Variants in KCNH1 observed in about 807,000 individuals in gnomAD.
KCNH1 encodes voltage-gated delayed rectifier potassium channel KCNH1.
Under a neutral mutation model 69.2 loss-of-function variants are expected in KCNH1, and 27 were observed. The ratio of observed to expected loss-of-function variants is 0.39; its 90% CI spans 0.29 to 0.54. KCNH1 has a LOEUF of 0.54. Ranked by LOEUF, KCNH1 falls within the 20% of genes least tolerant of loss-of-function variation. The pLI, the probability that KCNH1 is intolerant of heterozygous loss-of-function variation, is 0.68. For missense variants in KCNH1, 798 were observed against 1,261.6 expected, an observed-to-expected ratio of 0.63 and a Z score of 5.57; for synonymous variants, 456 against 487.7, an observed-to-expected ratio of 0.93 and a Z score of 0.86.
intron 7 of KCNH1, among the ~76,000 whole-genome samples, chr1:210,884,607 T>C (rs1228282553): frequency 6.6e-6 from 1 of 152,298 alleles, no homozygotes; most frequent in African/African-American, 2.4e-5. Context: ...GTACTTTTGG[T>C]GAGAGAAGAG....
intron 6 of KCNH1, among the ~76,000 whole-genome samples, chr1:210,998,941 A>C (rs1328762308): frequency 6.6e-6 from 1 of 152,214 alleles, no homozygotes; most frequent in Non-Finnish European, 1.5e-5. Flanking sequence ...TGAAGGCAGA[A>C]ATAAAGATGT....
chr1:210,793,570 A>G lies in KCNH1; in HGVS notation c.1915+3938T>C, dbSNP rs115110611. 4.0e-3 allele frequency among the ~76,000 whole-genome samples: 616 copies of G among 152,382 alleles called. 4 individuals are homozygous for G. The highest frequency in any genetic ancestry group is 0.014 in the African/African-American group (578 of 41,594). On this transcript the variant is annotated intron_variant, in intron 9 of 10. Transcript: ENST00000271751. ...AAACTAAACACACTCAGTTATGAGT[A>G]CTGACCCTTTTCTTCGTTCTTGGCA... is the stretch of plus-strand genomic sequence containing the variant.
chr1:210,711,885 G>A (rs1682084150), intron 10 of KCNH1, among the ~76,000 whole-genome samples: 1 of 152,172 alleles, frequency 6.6e-6, no homozygotes, highest in Admixed American at 6.5e-5. Flanking sequence ...CTCAGAGGCT[G>A]GTTAGTTTCT....
chr1:210,986,460 C>T (rs1336189816), intron 6 of KCNH1, among the ~76,000 whole-genome samples: 1 of 152,112 alleles, frequency 6.6e-6, no homozygotes, highest in Admixed American at 6.6e-5. Context: ...CCTTCAGGAG[C>T]TCTTTTAGGG....
intron 9 of KCNH1, among the ~76,000 whole-genome samples, chr1:210,781,810 C>T (rs1453977257): frequency 6.6e-6 from 1 of 152,252 alleles, no homozygotes; most frequent in Non-Finnish European, 1.5e-5. Flanking sequence ...ACTTGATCAT[C>T]TATTCTTTCA....
At chr1:210,886,297 G>C (rs777811819) in intron 7 of KCNH1, among the ~76,000 whole-genome samples, 1 of 152,194 alleles carries the variant, frequency 6.6e-6, no homozygotes, top group Non-Finnish European at 1.5e-5. Flanking sequence ...ACCCGCAGCA[G>C]AGCAGCCTGA....
At position 210,683,206 on chromosome 1, in the gene KCNH1, G is replaced by T; in HGVS notation, c.*75C>A. ...CTACTTGAAAATTGTTGGTCATGTGGACATATGTGGTAGGGGTGGTGGTGA... is the reference window on the plus strand; with the variant it reads ...CTACTTGAAAATTGTTGGTCATGTGTACATATGTGGTAGGGGTGGTGGTGA... On this transcript the variant is annotated 3_prime_UTR_variant, in exon 11 of 11. Transcript: ENST00000271751. The surrounding 1 kb of genome is among the most constrained non-coding windows in gnomAD (Gnocchi z 5.7). 7.1e-7 allele frequency: 1 copy of T among 1,403,956 alleles called. No individual in the cohort carries two copies. The highest frequency in any genetic ancestry group is 1.3e-5 in the South Asian group (1 of 74,622). The allele number at this position is 1,403,956 out of a possible 1,614,324, so 87.0% of individuals were successfully genotyped here.
chr1:211,013,764 C>T (rs755845607), intron 6 of KCNH1, among the ~76,000 whole-genome samples: 4 of 152,156 alleles, frequency 2.6e-5, no homozygotes, highest in Admixed American at 6.5e-5. Flanking sequence ...AAGTTGAGGG[C>T]GATGAAGTTA....
intron 5 of KCNH1, among the ~76,000 whole-genome samples, chr1:211,079,380 C>T (rs1284223901): frequency 6.6e-6 from 1 of 152,166 alleles, no homozygotes; most frequent in Non-Finnish European, 1.5e-5. Context: ...CGAAATTCTA[C>T]CAGAGCTACA....
chr1:210,836,179 A>G (rs542544155), intron 7 of KCNH1, among the ~76,000 whole-genome samples: 1 of 152,078 alleles, frequency 6.6e-6, no homozygotes, highest in South Asian at 2.1e-4. Flanking sequence ...TAAGATAAAT[A>G]CATTTTGAAA....
intron 6 of KCNH1, among the ~76,000 whole-genome samples, chr1:210,963,951 G>T (rs1016872405): frequency 6.6e-6 from 1 of 152,082 alleles, no homozygotes; most frequent in African/African-American, 2.4e-5. Context: ...ACACCACAAA[G>T]ATAATCCTTG....
chr1:211,040,221 T>C (rs1216803867), intron 5 of KCNH1, among the ~76,000 whole-genome samples: 1 of 149,454 alleles, frequency 6.7e-6, no homozygotes, highest in African/African-American at 2.5e-5. Flanking sequence ...TTCGGGGGAC[T>C]GTTGGGAAGG....
At chr1:210,891,536 T>C (rs1204749014) in intron 7 of KCNH1, among the ~76,000 whole-genome samples, 2 of 145,294 alleles carry the variant, frequency 1.4e-5, no homozygotes, top group East Asian at 4.0e-4. Flanking sequence ...ACTTAAAGTA[T>C]AATTAAAAAA....
At chr1:210,999,806 C>T (rs1434455766) in intron 6 of KCNH1, among the ~76,000 whole-genome samples, 3 of 152,212 alleles carry the variant, frequency 2.0e-5, no homozygotes, top group African/African-American at 7.2e-5. Context: ...CATCAAAAAG[C>T]TTATCCACTA....
At chr1:210,900,457 G>A (rs1004449672) in intron 7 of KCNH1, among the ~76,000 whole-genome samples, 5 of 152,208 alleles carry the variant, frequency 3.3e-5, no homozygotes, top group African/African-American at 1.2e-4. Context: ...TCATTTGAAA[G>A]GACAAATATG....
intron 7 of KCNH1, among the ~76,000 whole-genome samples, chr1:210,806,642 TA>T (rs1347771965): frequency 1.3e-5 from 2 of 150,812 alleles, no homozygotes; most frequent in African/African-American, 4.9e-5. Context: ...TTACTGCATG[TA>T]TTGTTTAATA....
At chr1:211,056,043 G>A (rs1174247352) in intron 5 of KCNH1, among the ~76,000 whole-genome samples, 1 of 152,126 alleles carries the variant, frequency 6.6e-6, no homozygotes, top group African/African-American at 2.4e-5. Context: ...GGAGAGGGAA[G>A]AGGAAAGGAG....
At chr1:211,067,089 G>C (rs1055905425) in intron 5 of KCNH1, among the ~76,000 whole-genome samples, 2 of 152,174 alleles carry the variant, frequency 1.3e-5, no homozygotes, top group Admixed American at 1.3e-4. Context: ...GAGAGGCCAG[G>C]CTGGCAGCAT....
At chr1:210,944,025 G>C (rs1327400462) in intron 6 of KCNH1, among the ~76,000 whole-genome samples, 1 of 152,138 alleles carries the variant, frequency 6.6e-6, no homozygotes, top group Non-Finnish European at 1.5e-5. Context: ...AAACAAAGTA[G>C]GCACTAAAAG....
Sources: allele counts gnomAD v4.1 joint callset (sites outside exome capture counted in the v4.1 genomes callset), GRCh38; gene constraint gnomAD v4.1.1; non-coding constraint Gnocchi (gnomAD v3.1); transcripts MANE v1.5; gene names NCBI Gene and HGNC (gene_info 2026-07-23, HGNC 2026-07-21).